USP13: variants seen among roughly 807,000 people sequenced by gnomAD.
The protein encoded by USP13 is ubiquitin specific peptidase 13.
USP13 carries 68 observed loss-of-function variants against 107.8 expected under a neutral mutation model. That is an observed-to-expected ratio of 0.63 (90% CI 0.52 to 0.77). The LOEUF (loss-of-function observed/expected upper bound fraction) is 0.77, where lower values mean the gene tolerates loss of function less well. Ranked by LOEUF, USP13 falls within the 30% of genes least tolerant of loss-of-function variation. The pLI is 0.00. For synonymous variants in USP13, 377 were observed against 389.5 expected (o/e 0.97, Z 0.38); for missense variants, 945 against 1,093.3 (o/e 0.86, Z 1.91).
intron 1 of USP13, among the ~76,000 whole-genome samples, chr3:179,659,475 G>A (rs1720393577): frequency 3.9e-5 from 6 of 152,200 alleles, no homozygotes; most frequent in Admixed American, 3.9e-4. Flanking sequence ...CAGTCTGTGT[G>A]TTAATAAGCT....
intron 4 of USP13, among the ~76,000 whole-genome samples, chr3:179,702,164 C>T (rs1712553980): frequency 6.6e-6 from 1 of 152,064 alleles, no homozygotes. Flanking sequence ...GGACTCCAGG[C>T]GCCCGCCATC....
At chr3:179,726,617 C>T (rs531633589) in intron 8 of USP13, among the ~76,000 whole-genome samples, 52 of 151,742 alleles carry the variant, frequency 3.4e-4, no homozygotes, top group Non-Finnish European at 2.6e-4. Context: ...AGAGTGGTTC[C>T]GAACTTGGCC....
At chr3:179,734,812 A>G (rs1167538123) in intron 10 of USP13, among the ~76,000 whole-genome samples, 1 of 152,248 alleles carries the variant, frequency 6.6e-6, no homozygotes, top group Non-Finnish European at 1.5e-5. Flanking sequence ...ACAGGCAGAC[A>G]TGTGTCTATC....
rs758563465 is a variant in USP13 at position 179,681,864 on chromosome 3, T to C, written c.169-14T>C. On this transcript the variant is annotated splice_polypyrimidine_tract_variant and intron_variant, in intron 1 of 20. Transcript: ENST00000263966. ...AGGTGTCGTCGGCTAATGTACTTTTTCTCTTTCTTCTAGAATTCTGAAGGT... is the reference window on the plus strand; with the variant it reads ...AGGTGTCGTCGGCTAATGTACTTTTCCTCTTTCTTCTAGAATTCTGAAGGT... 8 of 1,609,222 alleles carry C rather than the reference T, an allele frequency of 5.0e-6. No homozygotes were observed. The highest frequency in any genetic ancestry group is 1.3e-5 in the African/African-American group (1 of 74,738).
At chr3:179,735,640 A>G (rs1180754310) in intron 10 of USP13, among the ~76,000 whole-genome samples, 1 of 151,810 alleles carries the variant, frequency 6.6e-6, no homozygotes, top group African/African-American at 2.4e-5. Flanking sequence ...GTATTTTAAC[A>G]TAAAATTTAA....
rs964046856 is a variant in USP13, at chr3:179,785,904, A to T, written c.*1763A>T. ...ATGACACCTGCCCTCTCTTTCAATC[A>T]TGCTTTGAGGATACAGTGAGATTGG... On this transcript the variant is annotated 3_prime_UTR_variant, in exon 21 of 21. Coordinates refer to ENST00000263966, the MANE Select transcript of USP13 (RefSeq NM_003940.3). 6.6e-6 allele frequency: 1 copy of T among 152,286 alleles called. No homozygotes were observed. The highest frequency in any genetic ancestry group is 2.4e-5 in the African/African-American group (1 of 41,448). 9.4% of individuals were successfully genotyped at this position (152,286 alleles called of 1,614,324 possible). A position where few individuals can be genotyped will look rare whatever the true frequency, so the allele number is the denominator to read the frequency against.
chr3:179,662,847 C>T (rs972931926), intron 1 of USP13, among the ~76,000 whole-genome samples: 3 of 152,270 alleles, frequency 2.0e-5, no homozygotes, highest in Middle Eastern at 3.4e-3. Context: ...TTTTTCCTCC[C>T]CTGCATTCCT....
intron 19 of USP13, among the ~76,000 whole-genome samples, chr3:179,774,603 C>G (rs932321116): frequency 6.6e-6 from 1 of 152,110 alleles, no homozygotes; most frequent in East Asian, 1.9e-4. Context: ...AGCTGCAGAC[C>G]TTTGCAGTGA....
chr3:179,701,161 G>T (rs777296855), intron 4 of USP13, 32 bp downstream of exon 4: 1 of 1,568,614 alleles, frequency 6.4e-7, no homozygotes. Flanking sequence ...CTAGCTAGAT[G>T]CGCATGGCTC....
rs533407355 is a variant in USP13, at chr3:179,742,366, C to T, written c.1534+16C>T. On this transcript the variant is annotated intron_variant, in intron 12 of 20. Coordinates refer to ENST00000263966, the MANE Select transcript of USP13 (RefSeq NM_003940.3). This position sits in a 1 kb window ranked among gnomAD's most constrained non-coding sequence, Gnocchi z 5.0. ...ACCAACAAGGGTAACAATTCCAAAG[C>T]GGGAAATTGGTACTGTGTGTCTTCA... The T allele has an allele frequency of 2.9e-5, 46 of 1,613,894 alleles. No individual in the cohort carries two copies. Among genetic ancestry groups the T allele is most frequent in the Middle Eastern group, 3.3e-4 (2 of 6,062 alleles).
At chr3:179,682,297 C>A (rs1455157174) in intron 2 of USP13, among the ~76,000 whole-genome samples, 5 of 138,384 alleles carry the variant, frequency 3.6e-5, no homozygotes, top group Non-Finnish European at 7.8e-5. Context: ...TACAGAGACA[C>A]CCATGGATCC....
intron 6 of USP13, among the ~76,000 whole-genome samples, chr3:179,714,077 G>T (rs982315769): frequency 1.3e-5 from 2 of 152,154 alleles, no homozygotes; most frequent in African/African-American, 4.8e-5. Context: ...GCATTGTTTC[G>T]GCGAGGCAGG....
intron 8 of USP13, among the ~76,000 whole-genome samples, chr3:179,728,362 G>A (rs1252968770): frequency 2.0e-5 from 3 of 148,058 alleles, no homozygotes; most frequent in Non-Finnish European, 4.5e-5. Flanking sequence ...GGGCAGAGGT[G>A]CTCCCCACAT....
chr3:179,714,321 T>C (rs921403593), intron 6 of USP13, among the ~76,000 whole-genome samples: 3 of 152,204 alleles, frequency 2.0e-5, no homozygotes, highest in African/African-American at 7.2e-5. Flanking sequence ...ACCCCCGACC[T>C]GGGCATAAGC....
intron 3 of USP13, among the ~76,000 whole-genome samples, chr3:179,694,202 G>A (rs978017027): frequency 2.0e-5 from 3 of 151,552 alleles, no homozygotes; most frequent in South Asian, 2.1e-4. Context: ...CTCAAACTCC[G>A]GGGCTCAAGT....
chr3:179,733,716 G>A (rs1713887415), intron 10 of USP13, among the ~76,000 whole-genome samples: 1 of 152,222 alleles, frequency 6.6e-6, no homozygotes, highest in Non-Finnish European at 1.5e-5. Context: ...ATGGGTCAGA[G>A]CCATGTGGCA....
intron 1 of USP13, among the ~76,000 whole-genome samples, chr3:179,674,539 T>C (rs991882618): frequency 6.6e-6 from 1 of 152,214 alleles, no homozygotes; most frequent in African/African-American, 2.4e-5. Context: ...TATGTCACAG[T>C]TTCTTAACTC....
At chr3:179,767,427 G>GTTTT (rs1491164607) in intron 19 of USP13, among the ~76,000 whole-genome samples, 37 of 147,490 alleles carry the variant, frequency 2.5e-4, no homozygotes, top group African/African-American at 9.3e-4. Context: ...AGTTTTTTTT[G>GTTTT]GTTTTTTTTT....
At chr3:179,774,085 G>T (rs1715423566) in intron 19 of USP13, among the ~76,000 whole-genome samples, 1 of 152,190 alleles carries the variant, frequency 6.6e-6, no homozygotes, top group Non-Finnish European at 1.5e-5. Context: ...AGAGGCCTTA[G>T]GAAGCTTTCA....
Sources: allele counts gnomAD v4.1 joint callset (sites outside exome capture counted in the v4.1 genomes callset), GRCh38; gene constraint gnomAD v4.1.1; non-coding constraint Gnocchi (gnomAD v3.1); transcripts MANE v1.5; gene names NCBI Gene and HGNC (gene_info 2026-07-23, HGNC 2026-07-21).